Variants in IQSEC3 observed in about 807,000 individuals in gnomAD.
The protein encoded by IQSEC3 is IQ motif and Sec7 domain ArfGEF 3.
IQSEC3 carries 50 observed loss-of-function variants against 105.4 expected under a neutral mutation model. That is an observed-to-expected ratio of 0.47 (90% CI 0.38 to 0.60). The LOEUF is 0.60. Among genes scored for constraint, IQSEC3 ranks in the 20% least tolerant of loss-of-function variants. IQSEC3 has a pLI of 0.00. For synonymous variants in IQSEC3, 708 were observed against 746.0 expected (o/e 0.95, Z 0.83); for missense variants, 1,415 against 1,630.0 (o/e 0.87, Z 2.27).
chr12:117,362 T>C (rs1865080626), intron 2 of IQSEC3, among the ~76,000 whole-genome samples: 1 of 152,234 alleles, frequency 6.6e-6, no homozygotes. Context: ...CATGCCTGTT[T>C]ATGACAATGT....
At chr12:109,578 C>T (rs1864807597) in intron 2 of IQSEC3, among the ~76,000 whole-genome samples, 1 of 151,816 alleles carries the variant, frequency 6.6e-6, no homozygotes, top group Non-Finnish European at 1.5e-5. Flanking sequence ...ATTCCTCAGG[C>T]AGCCTGATCC....
Position 81,258 on chromosome 12 carries a change from A to G in IQSEC3, c.554+13822A>G, listed in dbSNP as rs377165513. ...GAAATGCCCCTGTTTCTTGTTGTTG[A>G]GGGCATTGGAGTCCGTTAGGAAGTG... On this transcript the variant is annotated intron_variant, in intron 1 of 13. Transcript: ENST00000538872. 5.9e-5 allele frequency among the ~76,000 whole-genome samples: 9 copies of G among 152,284 alleles called. No homozygotes were observed. The East Asian group carries it at 1.3e-3, about 23-fold the overall frequency.
chr12:76,964 C>T (rs1158405764), intron 1 of IQSEC3, among the ~76,000 whole-genome samples: 1 of 152,228 alleles, frequency 6.6e-6, no homozygotes, highest in Non-Finnish European at 1.5e-5. Flanking sequence ...CAAGGGAGTT[C>T]CACAATTTCT....
Position 139,063 on chromosome 12 carries a change from C to T in IQSEC3, c.1700C>T (p.Thr567Ile). The T allele has an allele frequency of 1.3e-6, 2 of 1,488,722 alleles. No homozygotes were observed. Among genetic ancestry groups the T allele is most frequent in the East Asian group, 4.9e-5 (2 of 40,758 alleles). The allele number at this position is 1,488,722 out of a possible 1,614,324, so 92.2% of individuals were successfully genotyped here. A position where few individuals can be genotyped will look rare whatever the true frequency, so the allele number is the denominator to read the frequency against. The change falls in exon 4 of 14, where the codon ACA becomes ATA. Residue 567 changes from threonine (T) to isoleucine (I), a missense_variant. Transcript: ENST00000538872. ...GCTAGTGGGGCGGCGGATGGGGCCA[C>T]AGCCCCCAAAACAGAGGAGGAAGAG... Reference protein sequence around the residue: ...AAASGAADGATAPKTEEEEEE... With the variant: ...AAASGAADGAIAPKTEEEEEE...
intron 1 of IQSEC3, among the ~76,000 whole-genome samples, chr12:69,905 G>A (rs1863244352): frequency 6.6e-6 from 1 of 152,284 alleles, no homozygotes. Context: ...GGAGCCAGCA[G>A]GCAGACAGAG....
At chr12:147,597 C>T (rs73603134) in intron 5 of IQSEC3, among the ~76,000 whole-genome samples, 2,932 of 152,218 alleles carry the variant, frequency 0.019, 84 homozygotes, top group African/African-American at 0.065. Context: ...TTGTCAGTCC[C>T]CCATCATGAA....
intron 5 of IQSEC3, chr12:143,339 T>G (rs1423579926): frequency 6.5e-6 from 1 of 152,714 alleles, no homozygotes; most frequent in Admixed American, 6.5e-5. Context: ...GAGAAATAGC[T>G]GGACCCGGGC....
chr12:133,544 A>G (rs1471954222), intron 3 of IQSEC3, among the ~76,000 whole-genome samples: 1 of 152,202 alleles, frequency 6.6e-6, no homozygotes, highest in African/African-American at 2.4e-5. Flanking sequence ...CTCGCCCTTG[A>G]CTGAGATGGG....
In IQSEC3 at chr12:66,991, G is replaced by A. The variant is rs1555065504; in HGVS notation, c.109G>A (p.Asp37Asn). Residue 37 changes from aspartate to asparagine, a missense_variant, in exon 1 of 14, where the codon GAC (aspartate) becomes AAC (asparagine). By Grantham distance (23) the Asp-to-Asn change is conservative (BLOSUM62 1). Transcript: ENST00000538872. ...CATCCACACCCAGCGAGAGCGTATC[G>A]ACGAGCTGGAGCGGCGGCTGGACGA... The part of the protein sequence containing the change: ...SLIHTQRERI[D>N]ELERRLDELS... 4 of 1,532,616 alleles carry A rather than the reference G, an allele frequency of 2.6e-6. No homozygotes were observed. Among genetic ancestry groups the A allele is most frequent in the South Asian group, 1.2e-5 (1 of 83,802 alleles). 94.9% of individuals were successfully genotyped at this position (1,532,616 alleles called of 1,614,324 possible).
intron 1 of IQSEC3, among the ~76,000 whole-genome samples, chr12:70,604 C>T (rs1483962746): frequency 6.6e-6 from 1 of 152,284 alleles, no homozygotes; most frequent in Non-Finnish European, 1.5e-5. Context: ...CTATCCCTTT[C>T]CTGGCTGGTG....
chr12:109,877 T>C (rs964503268), intron 2 of IQSEC3, among the ~76,000 whole-genome samples: 9 of 152,262 alleles, frequency 5.9e-5, no homozygotes, highest in Non-Finnish European at 1.3e-4. Flanking sequence ...TATCATCCTG[T>C]TTCCTTTTTC....
intron 2 of IQSEC3, among the ~76,000 whole-genome samples, chr12:103,750 A>G (rs1200097269): frequency 0.019 from 31 of 1,610 alleles, 1 homozygote; most frequent in South Asian, 0.13. Context: ...GGGGGGAGGC[A>G]GGGCTGGGGG....
intron 1 of IQSEC3, among the ~76,000 whole-genome samples, chr12:70,759 T>A (rs1455692505): frequency 6.6e-6 from 1 of 152,414 alleles, no homozygotes; most frequent in East Asian, 1.9e-4. Context: ...GGCTTGTCCA[T>A]GTCTCCAAGG....
rs4980803 is a variant in IQSEC3, at chr12:152,129, C to T, written c.2154-4896C>T. Among the ~76,000 whole-genome samples, 2 of 151,912 alleles carry T rather than the reference C, an allele frequency of 1.3e-5. No individual in the cohort carries two copies. Among genetic ancestry groups the T allele is most frequent in the Admixed American group, 6.6e-5 (1 of 15,246 alleles). ...CTTGCACACGGGGCCACTCAGTGCT[C>T]GTTGCTGAAAGAGTCAACCAGCCAC... is the stretch of plus-strand genomic sequence containing the variant. On this transcript the variant is annotated intron_variant, in intron 5 of 13. Transcript: ENST00000538872. The surrounding 1 kb of genome is among the most constrained non-coding windows in gnomAD (Gnocchi z 4.8).
chr12:80,980 A>G (rs1555070593), intron 1 of IQSEC3, among the ~76,000 whole-genome samples: 1 of 152,218 alleles, frequency 6.6e-6, no homozygotes, highest in Admixed American at 6.5e-5. Context: ...CCTGAGGCCA[A>G]GTCAGAGAGA....
chr12:165,993 T>G (rs935127386), intron 11 of IQSEC3, 103 bp downstream of exon 11: 11 of 1,349,558 alleles, frequency 8.2e-6, no homozygotes, highest in Middle Eastern at 5.1e-4. Context: ...CTGGCCCCAC[T>G]TCGGACCCTC....
At chr12:72,240 ATC>A (rs1197544086) in intron 1 of IQSEC3, among the ~76,000 whole-genome samples, 6 of 152,002 alleles carry the variant, frequency 3.9e-5, no homozygotes, top group Non-Finnish European at 7.4e-5. Flanking sequence ...GATTCAGCAA[ATC>A]TCTGCGCAGC....
At chr12:157,733 C>A in intron 7 of IQSEC3, 39 bp downstream of exon 7, 1 of 1,583,420 alleles carries the variant, frequency 6.3e-7, no homozygotes, top group East Asian at 2.2e-5. Flanking sequence ...GGCAAGGCCA[C>A]GGCTCAGGCC....
At chr12:88,396 A>T (rs1231754004) in intron 1 of IQSEC3, among the ~76,000 whole-genome samples, 2 of 152,214 alleles carry the variant, frequency 1.3e-5, no homozygotes, top group Non-Finnish European at 2.9e-5. Flanking sequence ...AACCTCACTG[A>T]ATAATAAAGG....
Sources: gnomAD v4.1 joint callset for allele counts (sites outside exome capture counted in the v4.1 genomes callset) on GRCh38, gnomAD v4.1.1 for gene constraint, Gnocchi (gnomAD v3.1) non-coding constraint, MANE v1.5 for transcripts, NCBI Gene and HGNC (gene_info 2026-07-23, HGNC 2026-07-21) for gene names.